Variants in GPATCH2L observed in about 807,000 individuals in gnomAD.
The protein encoded by GPATCH2L is G-patch domain containing 2 like.
Under a neutral mutation model 57.4 loss-of-function variants are expected in GPATCH2L, and 31 were observed. The ratio of observed to expected loss-of-function variants is 0.54; its 90% CI spans 0.41 to 0.73. The LOEUF is 0.73. GPATCH2L is among the 30% of genes least tolerant of loss of function. The probability of loss-of-function intolerance (pLI) is 0.00; values close to 1 mark genes in which losing one functional copy is unlikely to be tolerated. For missense variants in GPATCH2L, 481 were observed against 599.9 expected (o/e 0.80, Z 2.07); for synonymous variants, 199 against 210.7 (o/e 0.94, Z 0.48).
rs892848774 is a variant in GPATCH2L at position 76,234,236 on chromosome 14, C to G, written c.*117+4283C>G. 2.0e-5 allele frequency among the ~76,000 whole-genome samples: 3 copies of G among 152,340 alleles called. 1 individual carries two copies. The highest frequency in any genetic ancestry group is 3.9e-4 in the East Asian group (2 of 5,188). ...TTTAATCTATGGATTCCCTCTCTCT[C>G]TGTCTCTTTCTCTCCAGCTGCTTTC... is the stretch of plus-strand genomic sequence containing the variant. On this transcript the variant is annotated intron_variant and NMD_transcript_variant, in intron 2 of 3. Coordinates refer to the GPATCH2L transcript ENST00000556372.
At chr14:76,164,252 G>A (rs913243648) in intron 2 of GPATCH2L, among the ~76,000 whole-genome samples, 2 of 152,222 alleles carry the variant, frequency 1.3e-5, no homozygotes, top group South Asian at 4.2e-4. Context: ...CATCACCATA[G>A]ATCAGGGTTC....
chr14:76,159,099 G>T (rs2197480), intron 2 of GPATCH2L, among the ~76,000 whole-genome samples: 116,760 of 152,128 alleles, frequency 0.77, 45,823 homozygotes, highest in South Asian at 0.88. Context: ...TCTAGATCAG[G>T]TGGGGGGATT....
chr14:76,168,136 A>G (rs981916863), intron 3 of GPATCH2L, among the ~76,000 whole-genome samples: 2 of 152,184 alleles, frequency 1.3e-5, no homozygotes, highest in Non-Finnish European at 2.9e-5. Flanking sequence ...AAGCTATGGG[A>G]TTTCTTGCTT....
rs1331223313 is a variant in GPATCH2L, at chr14:76,207,109, G to GT, written c.*5260dup. On this transcript the variant is annotated 3_prime_UTR_variant, in exon 10 of 10. Coordinates refer to ENST00000261530, the MANE Select transcript of GPATCH2L (RefSeq NM_017926.4). The stretch of plus-strand genomic sequence containing the variant: ...GCGGGAGGATTGCTTTATTGCAGGA[G>GT]TTGAAGACCAGCCTATGCAACACAG... 3.9e-5 allele frequency: 6 copies of GT among 152,222 alleles called. No homozygotes were observed. Among genetic ancestry groups the GT allele is most frequent in the Non-Finnish European group, 8.8e-5 (6 of 68,060 alleles). The allele number at this position is 152,222 out of a possible 1,614,324, so 9.4% of individuals were successfully genotyped here. A position where few individuals can be genotyped will look rare whatever the true frequency, so the allele number is the denominator to read the frequency against.
chr14:76,218,298 T>C (rs568408513), downstream of GPATCH2L, among the ~76,000 whole-genome samples: 9 of 152,268 alleles, frequency 5.9e-5, no homozygotes, highest in Admixed American at 4.6e-4. Flanking sequence ...CTGAGTTTTT[T>C]ACTTAGAAAC....
At chr14:76,176,352 A>G (rs1453437255) in intron 5 of GPATCH2L, 3 of 431,032 alleles carry the variant, frequency 7.0e-6, no homozygotes, top group African/African-American at 4.0e-5. Context: ...TATAGTACTT[A>G]TTAAAATACC....
rs907070693 is a variant in GPATCH2L at position 76,204,737 on chromosome 14, A to T, written c.*2886A>T. ...AGTAATAACTAAAGCTGAGTTAAAC[A>T]GTTGTTATTTATTTCAGGGTTCTGA... On this transcript the variant is annotated 3_prime_UTR_variant, in exon 10 of 10. Coordinates refer to ENST00000261530, the MANE Select transcript of GPATCH2L (RefSeq NM_017926.4). 1 of 152,206 alleles carries T rather than the reference A, an allele frequency of 6.6e-6. No homozygotes were observed. Among genetic ancestry groups the T allele is most frequent in the East Asian group, 1.9e-4 (1 of 5,188 alleles). The allele number at this position is 152,206 out of a possible 1,614,324, so 9.4% of individuals were successfully genotyped here.
chr14:76,231,135 T>A (rs2040559304), intron 2 of GPATCH2L, among the ~76,000 whole-genome samples: 1 of 152,212 alleles, frequency 6.6e-6, no homozygotes, highest in Non-Finnish European at 1.5e-5. Context: ...ATTCTGCCAA[T>A]AACAGAAGCC....
Position 76,154,586 on chromosome 14 carries a change from G to A in GPATCH2L, c.223G>A (p.Asp75Asn). Residue 75 changes from aspartate to asparagine, a missense_variant, in exon 2 of 10, where the codon GAC (aspartate) becomes AAC (asparagine). Transcript: ENST00000261530. The surrounding 1 kb of genome is among the most constrained non-coding windows in gnomAD (Gnocchi z 4.4). ...GTCAAGTCTGGATGAGGCCACTAAGGACTGTCGAGAAGTGGCTCCGGTGAC... is the reference window on the plus strand; with the variant it reads ...GTCAAGTCTGGATGAGGCCACTAAGAACTGTCGAGAAGTGGCTCCGGTGAC... ...SESSLDEATKDCREVAPVTNF... is the reference protein window; with the variant it reads ...SESSLDEATKNCREVAPVTNF... The A allele has an allele frequency of 6.2e-7, 1 of 1,614,242 alleles. No individual in the cohort carries two copies. Among genetic ancestry groups the A allele is most frequent in the Non-Finnish European group, 8.5e-7 (1 of 1,180,036 alleles).
chr14:76,158,384 C>T (rs1344066820), intron 2 of GPATCH2L, among the ~76,000 whole-genome samples: 1 of 152,158 alleles, frequency 6.6e-6, no homozygotes, highest in East Asian at 1.9e-4. Flanking sequence ...AACAATAGCT[C>T]AGAAGCAAGA....
chr14:76,211,376 C>T lies in GPATCH2L; in HGVS notation c.*9525C>T, dbSNP rs1446747791. On this transcript the variant is annotated 3_prime_UTR_variant, in exon 10 of 10. Coordinates refer to ENST00000261530, the MANE Select transcript of GPATCH2L (RefSeq NM_017926.4). ...CTGAGATGTGAACAGATTTGCATTG[C>T]CTTGATCACCTTCCGTGGGAAATAT... is the stretch of plus-strand genomic sequence containing the variant. The T allele has an allele frequency of 6.6e-6, 1 of 152,184 alleles. No individual in the cohort carries two copies. Among genetic ancestry groups the T allele is most frequent in the Non-Finnish European group, 1.5e-5 (1 of 68,046 alleles). The allele number at this position is 152,184 out of a possible 1,614,324, so 9.4% of individuals were successfully genotyped here.
intron 5 of GPATCH2L, chr14:76,175,799 T>C (rs1433725658): frequency 6.6e-6 from 1 of 152,212 alleles, no homozygotes; most frequent in Admixed American, 6.5e-5. Context: ...CAAATGTGTT[T>C]GAAGAACAGC....
chr14:76,187,423 A>T (rs745956746), intron 8 of GPATCH2L, among the ~76,000 whole-genome samples: 3 of 152,100 alleles, frequency 2.0e-5, no homozygotes, highest in Non-Finnish European at 4.4e-5. Context: ...TGTTAAAAAT[A>T]ATTGAGGTGA....
Position 76,203,070 on chromosome 14 carries a change from T to A in GPATCH2L, c.*1219T>A, listed in dbSNP as rs1191197335. The A allele has an allele frequency of 1.3e-5, 2 of 152,210 alleles. No individual in the cohort carries two copies. The highest frequency in any genetic ancestry group is 2.9e-5 in the Non-Finnish European group (2 of 68,054). 9.4% of individuals were successfully genotyped at this position (152,210 alleles called of 1,614,324 possible). On this transcript the variant is annotated 3_prime_UTR_variant, in exon 10 of 10. Transcript: ENST00000261530. ...TGCTCTGGTCACATTGTAGAGGGAC[T>A]CCCACTCATGCATCTGCTTATTTTC...
chr14:76,202,352 G>A lies in GPATCH2L; in HGVS notation c.*501G>A, dbSNP rs1435123721. On this transcript the variant is annotated 3_prime_UTR_variant, in exon 10 of 10. Coordinates refer to ENST00000261530, the MANE Select transcript of GPATCH2L (RefSeq NM_017926.4). ...TGAGCCTACTCTTGATTCATGCAGA[G>A]TGCCAATAAGATAAATCAACCAAGT... 2.0e-5 allele frequency: 3 copies of A among 152,800 alleles called. No individual in the cohort carries two copies. The highest frequency in any genetic ancestry group is 1.9e-4 in the East Asian group (1 of 5,196). 9.5% of individuals were successfully genotyped at this position (152,800 alleles called of 1,614,324 possible). A position where few individuals can be genotyped will look rare whatever the true frequency, so the allele number is the denominator to read the frequency against.
intron 2 of GPATCH2L, among the ~76,000 whole-genome samples, chr14:76,165,524 C>T (rs527459771): frequency 1.3e-5 from 2 of 150,814 alleles, no homozygotes; most frequent in African/African-American, 2.4e-5. Flanking sequence ...AGGGTTTGTT[C>T]CATTATGGCA....
chr14:76,165,397 TAGG>T (rs2038784566), intron 2 of GPATCH2L, among the ~76,000 whole-genome samples: 1 of 149,838 alleles, frequency 6.7e-6, no homozygotes, highest in Admixed American at 6.7e-5. Context: ...GAGGCTGAGG[TAGG>T]AGAATTGCTT....
intron 8 of GPATCH2L, 125 bp downstream of exon 8, chr14:76,180,974 A>T: frequency 1.5e-6 from 1 of 657,182 alleles, no homozygotes; most frequent in Non-Finnish European, 2.7e-6. Context: ...TTTTGAGGTA[A>T]ATAGATGTTT....
intron 2 of GPATCH2L, 37 bp from the exon 3 acceptor site, chr14:76,166,626 A>G (rs765250996): frequency 5.6e-6 from 8 of 1,434,540 alleles, no homozygotes; most frequent in Admixed American, 1.7e-5. Flanking sequence ...TTTTGACTGG[A>G]GCTGATGAGT....
Sources: gnomAD v4.1 joint callset for allele counts (sites outside exome capture counted in the v4.1 genomes callset) on GRCh38, gnomAD v4.1.1 for gene constraint, Gnocchi (gnomAD v3.1) non-coding constraint, MANE v1.5 for transcripts, NCBI Gene and HGNC (gene_info 2026-07-23, HGNC 2026-07-21) for gene names.